Variants in STT3A observed in about 807,000 individuals in gnomAD.
STT3A encodes the protein dolichyl-diphosphooligosaccharide--protein glycosyltransferase subunit STT3A.
Under a neutral mutation model 89.2 loss-of-function variants are expected in STT3A, and 34 were observed. The observed-to-expected ratio is 0.38, with a 90% CI of 0.29 to 0.51. STT3A has a LOEUF of 0.51. Among genes scored for constraint, STT3A ranks in the 20% least tolerant of loss-of-function variants. The pLI is 0.89. For synonymous variants in STT3A, 282 were observed against 310.3 expected, an observed-to-expected ratio of 0.91 and a Z score of 0.96; for missense variants, 555 against 889.5, an observed-to-expected ratio of 0.62 and a Z score of 4.78.
At chr11:125,599,195 C>T (rs1236876029) in intron 3 of STT3A, among the ~76,000 whole-genome samples, 1 of 152,188 alleles carries the variant, frequency 6.6e-6, no homozygotes, top group Admixed American at 6.5e-5. Context: ...GTCTGCAACC[C>T]TCATCTCTTC....
At position 125,622,609 on chromosome 11, in the gene STT3A, T is replaced by G. The variant is rs912942976; in HGVS notation, c.*1799T>G. On this transcript the variant is annotated 3_prime_UTR_variant, in exon 18 of 18. Coordinates refer to ENST00000392708, the MANE Select transcript of STT3A (RefSeq NM_152713.5). ...ATAAAAAACTCAAATCTAGGCCAGG[T>G]GCAGTGGCTCATGCCTGTAATCCCA... is the stretch of plus-strand genomic sequence containing the variant. 6.6e-6 allele frequency: 1 copy of G among 152,240 alleles called. No homozygotes were observed. The highest frequency in any genetic ancestry group is 1.5e-5 in the Non-Finnish European group (1 of 68,090). 9.4% of individuals were successfully genotyped at this position (152,240 alleles called of 1,614,324 possible). A position where few individuals can be genotyped will look rare whatever the true frequency, so the allele number is the denominator to read the frequency against.
intron 17 of STT3A, 52 bp from the exon 18 acceptor site, chr11:125,620,720 T>C (rs1024970999): frequency 8.9e-6 from 14 of 1,581,022 alleles, no homozygotes; most frequent in African/African-American, 1.3e-5. Flanking sequence ...GTAGAAAATT[T>C]CTCCAAAGTT....
intron 6 of STT3A, among the ~76,000 whole-genome samples, chr11:125,605,140 A>T (rs1355473950): frequency 6.6e-6 from 1 of 151,686 alleles, no homozygotes; most frequent in Non-Finnish European, 1.5e-5. Context: ...TTTTTAAGAA[A>T]AAAAAAAAGC....
chr11:125,602,643 T>A (rs762287705), intron 4 of STT3A, 160 bp from the exon 5 acceptor site: 1 of 1,125,124 alleles, frequency 8.9e-7, no homozygotes, highest in Non-Finnish European at 1.2e-6. Flanking sequence ...GATTGAATCC[T>A]TAGGGGAGAA....
rs1006856650 is a variant in STT3A at position 125,614,980 on chromosome 11, G to A, written c.1774+554G>A. Among the ~76,000 whole-genome samples the A allele has an allele frequency of 2.0e-5, 3 of 152,078 alleles. No individual in the cohort carries two copies. The highest frequency in any genetic ancestry group is 4.4e-5 in the Non-Finnish European group (3 of 68,014). On this transcript the variant is annotated intron_variant, in intron 15 of 17. Transcript: ENST00000392708. The surrounding 1 kb of genome is among the most constrained non-coding windows in gnomAD (Gnocchi z 4.9). ...GTAATGCCTGTTTACACTTTAAAAA[G>A]TTAAGCAGTTCACAGCCGGGTGTGG...
At chr11:125,615,211 G>A (rs1194924293) in intron 15 of STT3A, among the ~76,000 whole-genome samples, 1 of 152,048 alleles carries the variant, frequency 6.6e-6, no homozygotes. Context: ...AGGTTGCAGT[G>A]GGCTGACATT....
Position 125,620,862 on chromosome 11 carries a change from C to T in STT3A, c.*52C>T, listed in dbSNP as rs778153344. On this transcript the variant is annotated 3_prime_UTR_variant, in exon 18 of 18. Coordinates refer to ENST00000392708, the MANE Select transcript of STT3A (RefSeq NM_152713.5). ...CGCACTGAGCACATCACATTTAGGA[C>T]GTTGAAGATTTTTTTTTTTTTTTTT... 1.1e-5 allele frequency: 13 copies of T among 1,214,648 alleles called. No homozygotes were observed. Among genetic ancestry groups the T allele is most frequent in the South Asian group, 3.0e-5 (2 of 67,158 alleles). 75.2% of individuals were successfully genotyped at this position (1,214,648 alleles called of 1,614,324 possible).
In STT3A at chr11:125,619,938, CTGAA is replaced by C. The variant is rs1300428328; in HGVS notation, c.1964-71_1964-68del. The C allele has an allele frequency of 8.7e-6, 11 of 1,267,880 alleles. No homozygotes were observed. The East Asian group carries it at 2.6e-4, about 30-fold the overall frequency. The allele number at this position is 1,267,880 out of a possible 1,614,324, so 78.5% of individuals were successfully genotyped here. On this transcript the variant is annotated intron_variant, in intron 16 of 17. Transcript: ENST00000392708. ...TAATCATCAATTAGTAGATGGTTTCCTGAATCCATATACTGTCTCTCTAGGAAAT... is the reference window on the plus strand; with the variant it reads ...TAATCATCAATTAGTAGATGGTTTCCTCCATATACTGTCTCTCTAGGAAAT...
At chr11:125,598,336 T>C (rs11220148) in intron 3 of STT3A, among the ~76,000 whole-genome samples, 16,120 of 152,252 alleles carry the variant, frequency 0.11, 1,239 homozygotes, top group African/African-American at 0.22. Flanking sequence ...CCAGAGACTG[T>C]AGTCACTGTG....
At chr11:125,592,575 T>G, upstream of STT3A, 1 of 442,266 alleles carries the variant, frequency 2.3e-6, no homozygotes, top group Non-Finnish European at 4.5e-6. Context: ...AACCGACACG[T>G]CACTCCTCGG....
At chr11:125,619,411 T>C (rs1940282005) in intron 16 of STT3A, among the ~76,000 whole-genome samples, 1 of 152,056 alleles carries the variant, frequency 6.6e-6, no homozygotes, top group Admixed American at 6.6e-5. Context: ...TTTAACTGCC[T>C]AGTGTCACAT....
intron 16 of STT3A, 28 bp from the exon 17 acceptor site, chr11:125,619,983 A>T: frequency 6.3e-7 from 1 of 1,579,564 alleles, no homozygotes; most frequent in South Asian, 1.1e-5. Context: ...CTGTAGAAAG[A>T]AGTGTGTTCT....
intron 15 of STT3A, 37 bp from the exon 16 acceptor site, chr11:125,618,336 T>G: frequency 6.5e-7 from 1 of 1,550,230 alleles, no homozygotes; most frequent in African/African-American, 1.4e-5. Flanking sequence ...CCAGCAACTT[T>G]TGTGATGCAG....
chr11:125,612,871 A>G, intron 12 of STT3A, 118 bp from the exon 13 acceptor site: 1 of 1,509,200 alleles, frequency 6.6e-7, no homozygotes, highest in African/African-American at 1.4e-5. Context: ...GAATTAACTC[A>G]TATAGCCTCT....
In STT3A at chr11:125,595,948, T is replaced by C. The variant is rs764337458; in HGVS notation, c.33T>C (p.Tyr11=). 1.2e-6 allele frequency: 2 copies of C among 1,614,050 alleles called. No individual in the cohort carries two copies. Among genetic ancestry groups the C allele is most frequent in the Non-Finnish European group, 1.7e-6 (2 of 1,179,926 alleles). ...AGTTTGGATTTTTGCGATTGTCCTA[T>C]GAGAAGCAGGACACACTTTTGAAGC... MTKFGFLRLS[Y]EKQDTLLKLL... is the part of the protein sequence containing the mutation. Residue 11 remains tyrosine, a synonymous_variant, in exon 2 of 18, where the codon TAT becomes TAC. Transcript: ENST00000392708.
intron 6 of STT3A, among the ~76,000 whole-genome samples, chr11:125,605,350 G>T (rs1443806974): frequency 6.6e-6 from 1 of 152,138 alleles, no homozygotes; most frequent in East Asian, 1.9e-4. Flanking sequence ...TGCTTGGAAA[G>T]AATGATAATA....
chr11:125,618,670 T>A, intron 16 of STT3A, 109 bp downstream of exon 16: 4 of 1,097,174 alleles, frequency 3.6e-6, no homozygotes, highest in Non-Finnish European at 5.1e-6. Context: ...TGTTAACTCA[T>A]TTAATCCTCA....
chr11:125,597,081 T>C lies in STT3A; in HGVS notation c.111T>C (p.Ala37=), dbSNP rs1215046096. The C allele has an allele frequency of 6.8e-6, 11 of 1,614,154 alleles. No homozygotes were observed. The highest frequency in any genetic ancestry group is 8.5e-6 in the Non-Finnish European group (10 of 1,180,034). The stretch of plus-strand genomic sequence containing the variant: ...CAGCCTTCTCCACTCGTCTGTTTGC[T>C]GTCCTGAGATTTGAAAGTGTTATCC... ...AVLSFSTRLF[A]VLRFESVIHE... The change falls in exon 3 of 18, where the codon GCT becomes GCC. Residue 37 remains alanine (A), a synonymous_variant. Transcript: ENST00000392708.
At chr11:125,611,346 C>T in intron 10 of STT3A, 82 bp from the exon 11 acceptor site, 3 of 1,015,320 alleles carry the variant, frequency 3.0e-6, no homozygotes, top group Middle Eastern at 2.1e-4. Context: ...TGGAATCATC[C>T]AGTCATATAA....
Sources: allele counts gnomAD v4.1 joint callset (sites outside exome capture counted in the v4.1 genomes callset), GRCh38; gene constraint gnomAD v4.1.1; non-coding constraint Gnocchi (gnomAD v3.1); transcripts MANE v1.5; gene names NCBI Gene and HGNC (gene_info 2026-07-23, HGNC 2026-07-21).